RALB: variants seen among roughly 807,000 people sequenced by gnomAD.
The protein encoded by RALB is ras-related protein Ral-B.
Under a neutral mutation model 21.3 loss-of-function variants are expected in RALB, and 16 were observed. The observed-to-expected ratio is 0.75, with a 90% CI of 0.51 to 1.14. The LOEUF is 1.14. RALB is among the 50% of genes most tolerant of loss of function. RALB has a pLI of 0.00. For synonymous variants in RALB, 93 were observed against 96.1 expected (o/e 0.97, Z 0.19); for missense variants, 161 against 256.2 (o/e 0.63, Z 2.54).
At chr2:120,253,385 G>A in intron 1 of RALB, 3 of 985,560 alleles carry the variant, frequency 3.0e-6, no homozygotes, top group Non-Finnish European at 3.6e-6. Context: ...AAACTTAACT[G>A]CCCTCGGAAC....
intron 1 of RALB, among the ~76,000 whole-genome samples, chr2:120,266,347 C>A (rs1046219421): frequency 6.6e-6 from 1 of 152,192 alleles, no homozygotes; most frequent in Non-Finnish European, 1.5e-5. Flanking sequence ...CGGGTTCAAG[C>A]GATTATCCTG....
Position 120,288,922 on chromosome 2 carries a change from G to A in RALB, c.324-658G>A, listed in dbSNP as rs376840022. ...CTGGGGATGGGATGACATACTTGTC[G>A]TGTACACATGCAGATCTAATCAAAA... On this transcript the variant is annotated intron_variant, in intron 3 of 4. Transcript: ENST00000272519. Among the ~76,000 whole-genome samples, 146 of 152,258 alleles carry A rather than the reference G, an allele frequency of 9.6e-4. 3 individuals are homozygous for A. The highest frequency in any genetic ancestry group is 2.9e-4 in the African/African-American group (12 of 41,536).
At chr2:120,240,850 C>G (rs1435747131) in intron 1 of RALB, among the ~76,000 whole-genome samples, 1 of 152,112 alleles carries the variant, frequency 6.6e-6, no homozygotes, top group African/African-American at 2.4e-5. Context: ...TGTGTGGGGA[C>G]TTGGGGAGAC....
At chr2:120,247,896 C>T (rs1247617288), upstream of RALB, among the ~76,000 whole-genome samples, 2 of 152,228 alleles carry the variant, frequency 1.3e-5, no homozygotes, top group Non-Finnish European at 2.9e-5. Context: ...AGACCTCCCA[C>T]AGCCTGGAAC....
At chr2:120,281,990 C>G (rs545437345) in intron 2 of RALB, among the ~76,000 whole-genome samples, 4 of 152,216 alleles carry the variant, frequency 2.6e-5, no homozygotes, top group African/African-American at 9.6e-5. Context: ...TGCGTGGAGG[C>G]CAAGGACGCA....
intron 1 of RALB, among the ~76,000 whole-genome samples, chr2:120,274,341 T>TA (rs1689738271): frequency 1.3e-5 from 2 of 151,190 alleles, no homozygotes; most frequent in African/African-American, 4.9e-5. Flanking sequence ...GCTCACTTAT[T>TA]TAAAAAAAAA....
At position 120,290,163 on chromosome 2, in the gene RALB, G is replaced by A. The variant is rs527691834; in HGVS notation, c.501+406G>A. On this transcript the variant is annotated intron_variant, in intron 4 of 4. Coordinates refer to ENST00000272519, the MANE Select transcript of RALB (RefSeq NM_002881.3). The stretch of plus-strand genomic sequence containing the variant: ...ACAGGTGTGCACCACCACACTGGCT[G>A]TTTTTTGTGGAGATGGGGTTTCACC... 2.0e-5 allele frequency among the ~76,000 whole-genome samples: 3 copies of A among 152,180 alleles called. No individual in the cohort carries two copies. In the East Asian group the frequency reaches 5.8e-4, roughly 29 times the overall value.
chr2:120,273,257 C>T (rs1252624480), intron 1 of RALB, among the ~76,000 whole-genome samples: 1 of 151,400 alleles, frequency 6.6e-6, no homozygotes, highest in Non-Finnish European at 1.5e-5. Flanking sequence ...GTTGGGGATG[C>T]AACTATAGGG....
chr2:120,260,006 T>C (rs6542583), intron 1 of RALB, among the ~76,000 whole-genome samples: 105,967 of 152,158 alleles, frequency 0.7, 37,512 homozygotes, highest in Middle Eastern at 0.81. Context: ...GCTAAGTCCC[T>C]CATTGCCCGG....
In RALB at chr2:120,294,123, A is replaced by T. The variant is rs1690368913; in HGVS notation, c.*863A>T. On this transcript the variant is annotated 3_prime_UTR_variant, in exon 5 of 5. Transcript: ENST00000272519. ...CTCCCTCTCCACTAGTGGTGAATGC[A>T]TGTGTCTGTCTGATCAGCATCACTG... 7 of 398,580 alleles carry T rather than the reference A, an allele frequency of 1.8e-5. No individual in the cohort carries two copies. Among genetic ancestry groups the T allele is most frequent in the Middle Eastern group, 1.3e-3 (2 of 1,588 alleles). The allele number at this position is 398,580 out of a possible 1,614,324, so 24.7% of individuals were successfully genotyped here.
chr2:120,288,347 T>TTG (rs1690220539), intron 3 of RALB, among the ~76,000 whole-genome samples: 1 of 140,980 alleles, frequency 7.1e-6, no homozygotes, highest in Non-Finnish European at 1.5e-5. Context: ...TTTTAGTTTT[T>TTG]TTTTTTGTTT....
At chr2:120,289,897 CATGATTATA>C in intron 4 of RALB, 140 bp downstream of exon 4, 1 of 785,360 alleles carries the variant, frequency 1.3e-6, no homozygotes, top group East Asian at 3.0e-5. Flanking sequence ...AAGCCATTAT[CATGATTATA>C]ATGAGAAACA....
chr2:120,277,907 G>A (rs186272874), intron 1 of RALB, among the ~76,000 whole-genome samples: 3 of 151,318 alleles, frequency 2.0e-5, no homozygotes, highest in Non-Finnish European at 2.9e-5. Context: ...GAGCGTGTGT[G>A]TGAATGTGAG....
chr2:120,279,765 G>T (rs1008461536), intron 2 of RALB, among the ~76,000 whole-genome samples: 1 of 152,124 alleles, frequency 6.6e-6, no homozygotes, highest in African/African-American at 2.4e-5. Context: ...GCGGCCACAT[G>T]GCTTTATGAG....
At chr2:120,262,783 C>G (rs11890713) in intron 1 of RALB, among the ~76,000 whole-genome samples, 5 of 152,154 alleles carry the variant, frequency 3.3e-5, no homozygotes, top group African/African-American at 1.2e-4. Flanking sequence ...ATTGGTTATG[C>G]CTCTAAGGCA....
At position 120,285,910 on chromosome 2, in the gene RALB, T is replaced by A; in HGVS notation, c.151T>A (p.Tyr51Asn). ...EDYEPTKADSYRKKVVLDGEE... is the reference protein window; with the variant it reads ...EDYEPTKADSNRKKVVLDGEE... ...CTATGAACCTACCAAAGCTGACAGT[T>A]ATAGAAAGAAAGTGGTTCTTGATGG... Residue 51 changes from tyrosine (Y) to asparagine (N), a missense_variant, in exon 3 of 5, where the codon TAT becomes AAT. Coordinates refer to ENST00000272519, the MANE Select transcript of RALB (RefSeq NM_002881.3). 6.2e-7 allele frequency: 1 copy of A among 1,613,904 alleles called. No individual in the cohort carries two copies. Among genetic ancestry groups the A allele is most frequent in the Non-Finnish European group, 8.5e-7 (1 of 1,179,870 alleles).
intron 1 of RALB, among the ~76,000 whole-genome samples, chr2:120,242,254 G>A (rs28853588): frequency 0.057 from 8,632 of 152,272 alleles, 836 homozygotes; most frequent in African/African-American, 0.2. Context: ...GGGGCTGGGG[G>A]CAGAGGAGGG....
At chr2:120,267,418 G>A (rs1465877850) in intron 1 of RALB, among the ~76,000 whole-genome samples, 7 of 152,038 alleles carry the variant, frequency 4.6e-5, no homozygotes, top group Non-Finnish European at 7.4e-5. Flanking sequence ...GTCATAACGC[G>A]TATGAGCATA....
intron 1 of RALB, among the ~76,000 whole-genome samples, chr2:120,266,668 G>A (rs1264569513): frequency 6.6e-6 from 1 of 152,136 alleles, no homozygotes; most frequent in African/African-American, 2.4e-5. Context: ...TCATGATCAC[G>A]CCACTGTACT....
Sources: gnomAD v4.1 joint callset for allele counts (sites outside exome capture counted in the v4.1 genomes callset) on GRCh38, gnomAD v4.1.1 for gene constraint, MANE v1.5 for transcripts, NCBI Gene and HGNC (gene_info 2026-07-23, HGNC 2026-07-21) for gene names.